The following GALNT13 variants were observed in gnomAD, a reference collection of about 807,000 sequenced individuals.
The protein encoded by GALNT13 is UDP-GalNAc:polypeptide N-acetylgalactosaminyltransferase 13.
GALNT13 carries 28 observed loss-of-function variants against 64.2 expected under a neutral mutation model. That is an observed-to-expected ratio of 0.44 (90% CI 0.32 to 0.60). GALNT13 has a LOEUF of 0.60. Among genes scored for constraint, GALNT13 ranks in the 20% least tolerant of loss-of-function variants. GALNT13 has a pLI of 0.05. For synonymous variants in GALNT13, 214 were observed against 224.6 expected, an observed-to-expected ratio of 0.95 and a Z score of 0.42; for missense variants, 577 against 669.8, an observed-to-expected ratio of 0.86 and a Z score of 1.53.
chr2:153,796,889 C>T, the GALNT13 span, among the ~76,000 whole-genome samples: 12 of 152,120 alleles, frequency 7.9e-5, no homozygotes, highest in Admixed American at 2.6e-4. Flanking sequence ...ATAATTTCCA[C>T]GGATAAATGT....
At chr2:153,068,361 G>A in the GALNT13 span, among the ~76,000 whole-genome samples, 51 of 152,198 alleles carry the variant, frequency 3.4e-4, no homozygotes, top group African/African-American at 1.2e-3. Context: ...CCCAGAACTC[G>A]GTAAGGCCAA....
intron 3 of GALNT13, among the ~76,000 whole-genome samples, chr2:153,985,050 GA>G (rs909812263): frequency 4.0e-5 from 6 of 151,882 alleles, no homozygotes; most frequent in Non-Finnish European, 5.9e-5. Flanking sequence ...TGAAAAATGG[GA>G]AAACAGTTCC....
At chr2:153,174,265 G>C in the GALNT13 span, among the ~76,000 whole-genome samples, 2 of 152,166 alleles carry the variant, frequency 1.3e-5, no homozygotes, top group Admixed American at 6.5e-5. Flanking sequence ...CATCCAAATA[G>C]TTCGATTGGT....
chr2:153,723,820 C>G, the GALNT13 span, among the ~76,000 whole-genome samples: 20,786 of 146,354 alleles, frequency 0.14, 2,678 homozygotes, highest in African/African-American at 0.34. Flanking sequence ...CAAACAAATG[C>G]AAGAACATTC....
At chr2:154,146,192 A>G (rs1366194735) in intron 4 of GALNT13, among the ~76,000 whole-genome samples, 1 of 151,746 alleles carries the variant, frequency 6.6e-6, no homozygotes, top group Non-Finnish European at 1.5e-5. Context: ...ACATATATAC[A>G]TACACACTTG....
chr2:153,317,197 G>T, the GALNT13 span, among the ~76,000 whole-genome samples: 7 of 152,102 alleles, frequency 4.6e-5, no homozygotes, highest in Admixed American at 6.5e-5. Context: ...TTGCTTTTGA[G>T]CTCCTATAGT....
chr2:154,282,726 C>T (rs1692030314), intron 8 of GALNT13, among the ~76,000 whole-genome samples: 1 of 152,026 alleles, frequency 6.6e-6, no homozygotes, highest in Admixed American at 6.5e-5. Context: ...ATTAAATTAT[C>T]AAGTATTGGA....
At chr2:153,588,276 G>C in the GALNT13 span, among the ~76,000 whole-genome samples, 1 of 152,198 alleles carries the variant, frequency 6.6e-6, no homozygotes, top group Non-Finnish European at 1.5e-5. Flanking sequence ...CAGTGCCCCA[G>C]TAAATACTCT....
At chr2:153,957,495 G>C (rs1378108600) in intron 3 of GALNT13, among the ~76,000 whole-genome samples, 1 of 152,174 alleles carries the variant, frequency 6.6e-6, no homozygotes, top group East Asian at 1.9e-4. Flanking sequence ...CAGTTTGTGG[G>C]GGCTAGTAGA....
chr2:153,212,309 T>C, the GALNT13 span, among the ~76,000 whole-genome samples: 1 of 152,192 alleles, frequency 6.6e-6, no homozygotes, highest in Non-Finnish European at 1.5e-5. Flanking sequence ...AGCTTCGTGA[T>C]TTTATTTCTC....
At chr2:153,933,604 T>C (rs775499775) in intron 2 of GALNT13, among the ~76,000 whole-genome samples, 2 of 152,168 alleles carry the variant, frequency 1.3e-5, no homozygotes, top group Non-Finnish European at 2.9e-5. Context: ...AATACTGATA[T>C]GTGTAGATTT....
At chr2:153,435,724 TG>T in the GALNT13 span, among the ~76,000 whole-genome samples, 1 of 152,192 alleles carries the variant, frequency 6.6e-6, no homozygotes, top group Admixed American at 6.5e-5. Context: ...AAGGAGATTT[TG>T]GGCTGAGATG....
At chr2:154,109,295 G>C (rs1702798747) in intron 3 of GALNT13, among the ~76,000 whole-genome samples, 1 of 151,782 alleles carries the variant, frequency 6.6e-6, no homozygotes, top group Admixed American at 6.6e-5. Context: ...TTTGTTCTTA[G>C]TGTCTATAAA....
chr2:153,222,307 T>TGGGGGGGGGGGGGGGGG, the GALNT13 span, among the ~76,000 whole-genome samples: 1 of 6,322 alleles, frequency 1.6e-4, no homozygotes, highest in Non-Finnish European at 5.8e-4. Context: ...TGAGTCTGGC[T>TGGGGGGGGGGGGGGGGG]GGGGGGGGGG....
the GALNT13 span, among the ~76,000 whole-genome samples, chr2:153,711,853 A>G: frequency 1.3e-5 from 2 of 152,134 alleles, no homozygotes; most frequent in Non-Finnish European, 2.9e-5. Flanking sequence ...TAAAGGCATC[A>G]CCTTTATTCA....
chr2:153,998,158 T>C (rs745868927), intron 3 of GALNT13, among the ~76,000 whole-genome samples: 7 of 152,104 alleles, frequency 4.6e-5, no homozygotes, highest in Non-Finnish European at 8.8e-5. Context: ...GGTATATATC[T>C]AGTAATGGGA....
chr2:154,376,733 A>C (rs991592617), intron 9 of GALNT13, among the ~76,000 whole-genome samples: 8 of 152,138 alleles, frequency 5.3e-5, no homozygotes, highest in African/African-American at 1.7e-4. Flanking sequence ...AATTTTTTTA[A>C]TTCAAACTCA....
intron 9 of GALNT13, among the ~76,000 whole-genome samples, chr2:154,349,788 G>A (rs369946339): frequency 8.5e-5 from 13 of 152,308 alleles, no homozygotes; most frequent in African/African-American, 3.1e-4. Flanking sequence ...ATAAATAAGT[G>A]CCATTCAGGC....
At chr2:153,935,322 G>A (rs558352467) in intron 2 of GALNT13, among the ~76,000 whole-genome samples, 1 of 152,200 alleles carries the variant, frequency 6.6e-6, no homozygotes, top group Admixed American at 6.5e-5. Flanking sequence ...TCCATGGAGA[G>A]ATAGTCCATG....
Sources: gnomAD v4.1 joint callset for allele counts (sites outside exome capture counted in the v4.1 genomes callset) on GRCh38, gnomAD v4.1.1 for gene constraint, MANE v1.5 for transcripts, NCBI Gene and HGNC (gene_info 2026-07-23, HGNC 2026-07-21) for gene names.